The following ADNP variants were observed in gnomAD, a reference collection of about 807,000 sequenced individuals.
ADNP encodes activity dependent neuroprotector homeobox, also known as activity-dependent neuroprotector homeobox protein.
Under a neutral mutation model 84.9 loss-of-function variants are expected in ADNP, and 4 were observed. The observed-to-expected ratio is 0.05, with a 90% confidence interval of 0.02 to 0.11. The LOEUF (loss-of-function observed/expected upper bound fraction) is 0.11, where lower values mean the gene tolerates loss of function less well. Ranked by LOEUF, ADNP falls within the 10% of genes least tolerant of loss-of-function variation. ADNP has a pLI of 1.00. For synonymous variants in ADNP, 554 were observed against 468.1 expected (o/e 1.18, Z -2.37); for missense variants, 1,132 against 1,326.0 (o/e 0.85, Z 2.27).
rs745345564 is a variant in ADNP at position 50,892,149 on chromosome 20, T to C, written c.2565A>G (p.Arg855=). 1.9e-6 allele frequency: 3 copies of C among 1,614,072 alleles called. No homozygotes were observed. In the South Asian group the frequency reaches 3.3e-5, roughly 18 times the overall value. ...LFENHDEKDS[R]VNASKTADKK... ...TGTCAGCAGTCTTACTAGCATTGAC[T>C]CTGGAATCCTTCTCATCATGATTTT... Residue 855 remains arginine, a synonymous_variant, in exon 6 of 6, where the codon AGA becomes AGG. Transcript: ENST00000621696.
Position 50,889,932 on chromosome 20 carries a change from A to G in ADNP, c.*1473T>C. The G allele has an allele frequency of 2.5e-6, 1 of 396,768 alleles. No homozygotes were observed. The highest frequency in any genetic ancestry group is 4.4e-6 in the Non-Finnish European group (1 of 225,952). The allele number at this position is 396,768 out of a possible 1,614,324, so 24.6% of individuals were successfully genotyped here. Reference sequence around the variant, plus strand: ...CTGCACTACAGTTGTTCCCATCGTAAGGTGAAAACGAACGTTTAACTTCAT... The same window carrying G: ...CTGCACTACAGTTGTTCCCATCGTAGGGTGAAAACGAACGTTTAACTTCAT... On this transcript the variant is annotated 3_prime_UTR_variant, in exon 6 of 6. Transcript: ENST00000621696.
intron 2 of ADNP, among the ~76,000 whole-genome samples, chr20:50,927,483 T>C (rs948410614): frequency 6.6e-6 from 1 of 152,208 alleles, no homozygotes; most frequent in Non-Finnish European, 1.5e-5. Context: ...CTCTAGTTAA[T>C]TGAACCTTTT....
At chr20:50,914,036 A>G in intron 2 of ADNP, 2 of 754,772 alleles carry the variant, frequency 2.6e-6, no homozygotes, top group Non-Finnish European at 5.0e-6. Context: ...GCTGTCAATC[A>G]AAATGGCTCT....
In ADNP at chr20:50,906,719, A is replaced by AT. The variant is rs1040020676; in HGVS notation, c.-89-1871dup. Among the ~76,000 whole-genome samples, 12 of 152,242 alleles carry AT rather than the reference A, an allele frequency of 7.9e-5. 1 individual carries two copies. Among genetic ancestry groups the AT allele is most frequent in the East Asian group, 3.9e-4 (2 of 5,180 alleles). On this transcript the variant is annotated intron_variant, in intron 2 of 5. Coordinates refer to ENST00000621696, the MANE Select transcript of ADNP (RefSeq NM_001282531.3). ...TGAAGCATCTCACTGCCTGGTAGGT[A>AT]TTTTTTTCTGAAAAAGTGAGTATGC... is the stretch of plus-strand genomic sequence containing the variant.
chr20:50,929,364 A>G (rs1984499407), intron 1 of ADNP, among the ~76,000 whole-genome samples: 1 of 152,232 alleles, frequency 6.6e-6, no homozygotes, highest in South Asian at 2.1e-4. Flanking sequence ...AAACTTCTAA[A>G]ATGCAGGGTG....
chr20:50,927,533 T>C (rs1324725888), intron 2 of ADNP, among the ~76,000 whole-genome samples: 1 of 151,552 alleles, frequency 6.6e-6, no homozygotes, highest in Non-Finnish European at 1.5e-5. Context: ...CTACTATAAA[T>C]TCCAGTCTTC....
At chr20:50,930,642 G>A (rs1042693593) in intron 1 of ADNP, among the ~76,000 whole-genome samples, 184 bp downstream of exon 1, 5 of 151,740 alleles carry the variant, frequency 3.3e-5, no homozygotes, top group Non-Finnish European at 7.4e-5. Flanking sequence ...AGCGGTCCGT[G>A]CCGGGACGGG....
Position 50,931,319 on chromosome 20 carries a change from A to AGGCGGC in ADNP, c.-764_-759dup, listed in dbSNP as rs1295385770. The stretch of plus-strand genomic sequence containing the variant: ...GGCGGAGGGGAGACCGGGCCGGCGG[A>AGGCGGC]GGCGGCGGCGGCAACGGGCGGGGGA... On this transcript the variant is annotated 5_prime_UTR_variant, in exon 1 of 6. Coordinates refer to ENST00000621696, the MANE Select transcript of ADNP (RefSeq NM_001282531.3). 5.2e-5 allele frequency: 1 copy of AGGCGGC among 19,050 alleles called. No individual in the cohort carries two copies. The highest frequency in any genetic ancestry group is 9.5e-5 in the Non-Finnish European group (1 of 10,542). 1.2% of individuals were successfully genotyped at this position (19,050 alleles called of 1,614,324 possible).
At chr20:50,924,718 A>G (rs1246986682) in intron 2 of ADNP, among the ~76,000 whole-genome samples, 5 of 152,188 alleles carry the variant, frequency 3.3e-5, no homozygotes, top group Admixed American at 2.0e-4. Context: ...TCACAGTCAC[A>G]TGAGAAGTGA....
At chr20:50,920,845 T>A (rs912249350) in intron 2 of ADNP, among the ~76,000 whole-genome samples, 3 of 152,174 alleles carry the variant, frequency 2.0e-5, no homozygotes, top group African/African-American at 4.8e-5. Context: ...ATGTAAAAAA[T>A]TTGTACCTTA....
chr20:50,892,046 C>T lies in ADNP; in HGVS notation c.2668G>A (p.Gly890Ser), dbSNP rs1409818919. ...ENLEEESNES[G>S]SPFDPVFEVE... Reference sequence around the variant, plus strand: ...TCAAAAACAGGGTCAAAAGGGCTACCACTTTCATTGGATTCTTCTTCCAAA... The same window carrying T: ...TCAAAAACAGGGTCAAAAGGGCTACTACTTTCATTGGATTCTTCTTCCAAA... The change falls in exon 6 of 6, where the codon GGT becomes AGT. Residue 890 changes from glycine to serine, a missense_variant. Around this residue, in one of 10 missense-constraint regions of ADNP, gnomAD observed 381 missense variants for 319.9 expected, o/e 1.19. Transcript: ENST00000621696. 6 of 1,614,014 alleles carry T rather than the reference C, an allele frequency of 3.7e-6. No homozygotes were observed. The highest frequency in any genetic ancestry group is 5.1e-6 in the Non-Finnish European group (6 of 1,180,028).
intron 1 of ADNP, among the ~76,000 whole-genome samples, chr20:50,929,386 AG>A (rs1396523157): frequency 1.3e-5 from 2 of 152,238 alleles, no homozygotes; most frequent in African/African-American, 4.8e-5. Flanking sequence ...GCTCTTTAAA[AG>A]AAGTAAAATC....
In ADNP at chr20:50,903,916, C is replaced by T. The variant is rs187332067; in HGVS notation, c.81G>A (p.Gly27=). ...KTVKKILSDI[G]LEYCKEHIED... ...CTATATGTTCTTTACAGTATTCCAA[C>T]CCAATGTCACTAAGTATTTTTTTCA... Residue 27 remains glycine, a synonymous_variant, in exon 4 of 6, where the codon GGG becomes GGA. Coordinates refer to ENST00000621696, the MANE Select transcript of ADNP (RefSeq NM_001282531.3). The T allele has an allele frequency of 6.2e-7, 1 of 1,613,810 alleles. No individual in the cohort carries two copies. Among genetic ancestry groups the T allele is most frequent in the East Asian group, 2.2e-5 (1 of 44,856 alleles).
chr20:50,916,212 A>G (rs1248473614), intron 2 of ADNP, among the ~76,000 whole-genome samples: 4 of 152,196 alleles, frequency 2.6e-5, no homozygotes, highest in Non-Finnish European at 4.4e-5. Flanking sequence ...TCAAAGTAAT[A>G]TTTTTTGTCA....
chr20:50,922,107 A>AG (rs1323726701), intron 2 of ADNP, among the ~76,000 whole-genome samples: 1 of 152,186 alleles, frequency 6.6e-6, no homozygotes, highest in Admixed American at 6.5e-5. Flanking sequence ...GGGGTGCTTT[A>AG]GGGGAAAACT....
rs1339998200 is a variant in ADNP at position 50,891,464 on chromosome 20, C to T, written c.3250G>A (p.Val1084Ile). The T allele has an allele frequency of 1.2e-6, 2 of 1,612,646 alleles. No individual in the cohort carries two copies. The highest frequency in any genetic ancestry group is 2.7e-5 in the African/African-American group (2 of 74,948). ...GEQFDNMTDGVAEPMHGSLAG... is the reference protein window; with the variant it reads ...GEQFDNMTDGIAEPMHGSLAG... ...AAGCTGCCATGCATGGGCTCAGCTA[C>T]TCCATCAGTCATGTTGTCAAACTGT... The change falls in exon 6 of 6, where the codon GTA (valine) becomes ATA (isoleucine). Residue 1084 changes from valine (V) to isoleucine (I), a missense_variant. Physicochemically the swap from Val to Ile is conservative, Grantham distance 29. Transcript: ENST00000621696.
intron 2 of ADNP, among the ~76,000 whole-genome samples, 160 bp downstream of exon 2, chr20:50,928,491 G>C (rs1984436475): frequency 2.0e-5 from 3 of 152,324 alleles, no homozygotes; most frequent in Non-Finnish European, 2.9e-5. Context: ...ATGTTAATAA[G>C]TGTTCAGAAC....
Position 50,892,488 on chromosome 20 carries a change from A to G in ADNP, c.2226T>C (p.Phe742=), listed in dbSNP as rs770075312. The change falls in exon 6 of 6, where the codon TTT becomes TTC. Residue 742 remains phenylalanine, a synonymous_variant. Transcript: ENST00000621696. ...CAACAGGCTCTTCAGGCTTCTCTTC[A>G]AAGAAGCTGGGTGAATCACTATCAT... The part of the protein sequence containing the change: ...LDDDSDSPSF[F]EEKPEEPVVL... 4.3e-6 allele frequency: 7 copies of G among 1,614,074 alleles called. No individual in the cohort carries two copies. The highest frequency in any genetic ancestry group is 1.3e-5 in the African/African-American group (1 of 74,928).
At chr20:50,913,210 G>C (rs1016277573) in intron 2 of ADNP, among the ~76,000 whole-genome samples, 1 of 116,394 alleles carries the variant, frequency 8.6e-6, no homozygotes, top group African/African-American at 3.3e-5. Context: ...CAGAGATCAC[G>C]CCACTGCACT....
Sources: gnomAD v4.1 joint callset for allele counts (sites outside exome capture counted in the v4.1 genomes callset) on GRCh38, gnomAD v4.1.1 for gene constraint, gnomAD v4.1.1 regional missense constraint, MANE v1.5 for transcripts, NCBI Gene and HGNC (gene_info 2026-07-23, HGNC 2026-07-21) for gene names.